The following CSNK1D variants were observed in gnomAD, a reference collection of about 807,000 sequenced individuals.
The protein encoded by CSNK1D is casein kinase 1 delta, also known as casein kinase I isoform delta.
CSNK1D carries 16 observed loss-of-function variants against 46.6 expected under a neutral mutation model. The ratio of observed to expected loss-of-function variants is 0.34; its 90% CI spans 0.23 to 0.52. The LOEUF (loss-of-function observed/expected upper bound fraction) is 0.52, where lower values mean the gene tolerates loss of function less well. Among genes scored for constraint, CSNK1D ranks in the 20% least tolerant of loss-of-function variants. The pLI is 0.95. For synonymous variants in CSNK1D, 276 were observed against 228.2 expected, an observed-to-expected ratio of 1.21 and a Z score of -1.89; for missense variants, 398 against 578.4, an observed-to-expected ratio of 0.69 and a Z score of 3.20.
At chr17:82,245,158 G>A in intron 8 of CSNK1D, 1 of 534,130 alleles carries the variant, frequency 1.9e-6, no homozygotes, top group South Asian at 2.0e-5. Flanking sequence ...TTTGAAAATG[G>A]GTACCCCTCT....
chr17:82,273,098 T>A lies in CSNK1D; in HGVS notation c.76+208A>T. ...AGACCCTGCTCCCCCGACCTGGTCC[T>A]GCCCCTCCCCCACGTCCGCTCCCCA... On this transcript the variant is annotated intron_variant, in intron 1 of 8. Transcript: ENST00000314028. The surrounding 1 kb of genome is among the most constrained non-coding windows in gnomAD (Gnocchi z 5.1). The A allele has an allele frequency of 7.7e-6, 2 of 260,382 alleles. No homozygotes were observed. The highest frequency in any genetic ancestry group is 1.5e-5 in the Non-Finnish European group (2 of 136,878). 16.1% of individuals were successfully genotyped at this position (260,382 alleles called of 1,614,324 possible).
At chr17:82,265,574 C>T in intron 2 of CSNK1D, 112 bp downstream of exon 2, 2 of 841,896 alleles carry the variant, frequency 2.4e-6, no homozygotes. Context: ...GAACACTTCC[C>T]TCCCTTTTGC....
At position 82,265,849 on chromosome 17, in the gene CSNK1D, C is replaced by T; in HGVS notation, c.77-53G>A. On this transcript the variant is annotated intron_variant, in intron 1 of 8. Coordinates refer to ENST00000314028, the MANE Select transcript of CSNK1D (RefSeq NM_001893.6). ...GAATTACCTGGTATCCACCAAATAA[C>T]CCAACATGCTGGAGAAACAACAAGC... The T allele has an allele frequency of 9.4e-6, 13 of 1,387,996 alleles. 1 individual carries two copies. The South Asian group carries it at 1.5e-4, about 16-fold the overall frequency. The allele number at this position is 1,387,996 out of a possible 1,614,324, so 86.0% of individuals were successfully genotyped here.
chr17:82,257,419 CAA>C (rs1022764738), intron 2 of CSNK1D, among the ~76,000 whole-genome samples: 10 of 152,038 alleles, frequency 6.6e-5, no homozygotes, highest in African/African-American at 2.2e-4. Flanking sequence ...CCCTCAGCGT[CAA>C]AAAGAGATGC....
intron 2 of CSNK1D, among the ~76,000 whole-genome samples, chr17:82,263,567 T>C (rs1273340343): frequency 6.6e-6 from 1 of 152,134 alleles, no homozygotes; most frequent in Non-Finnish European, 1.5e-5. Flanking sequence ...TAGTGCCGAG[T>C]GGAGAAGTCC....
chr17:82,268,994 G>A (rs910008830), intron 1 of CSNK1D, among the ~76,000 whole-genome samples: 1 of 151,708 alleles, frequency 6.6e-6, no homozygotes, highest in Admixed American at 6.6e-5. Context: ...CTACTCAGGA[G>A]GTTGATGCGG....
upstream of CSNK1D, chr17:82,273,723 C>T (rs1365278382): frequency 6.3e-6 from 3 of 473,094 alleles, no homozygotes; most frequent in Admixed American, 8.6e-5. The surrounding 1 kb of genome is among the most constrained non-coding windows in gnomAD (Gnocchi z 5.1). Context: ...CCTAGCAACC[C>T]GGCGGGGCGG....
At chr17:82,241,617 G>A (rs893556310), downstream of CSNK1D, among the ~76,000 whole-genome samples, 12 of 152,332 alleles carry the variant, frequency 7.9e-5, no homozygotes, top group East Asian at 5.8e-4. Flanking sequence ...GGTTGGGGCC[G>A]GTGAGCGGGG....
chr17:82,271,286 G>T (rs2051616721), intron 1 of CSNK1D, among the ~76,000 whole-genome samples: 1 of 152,110 alleles, frequency 6.6e-6, no homozygotes, highest in African/African-American at 2.4e-5. Context: ...ACTTTGGCCA[G>T]GCTGGTCTCC....
Position 82,251,120 on chromosome 17 carries a change from G to A in CSNK1D, c.885+259C>T, listed in dbSNP as rs532186583. On this transcript the variant is annotated intron_variant, in intron 6 of 8. Coordinates refer to ENST00000314028, the MANE Select transcript of CSNK1D (RefSeq NM_001893.6). The surrounding 1 kb of genome is among the most constrained non-coding windows in gnomAD (Gnocchi z 4.5). ...CCCTAGCTCCGCTTGGTGACAGGGA[G>A]GGAAGGGGCCTCCTGCTGTCCACAC... The A allele has an allele frequency of 1.1e-4, 54 of 487,802 alleles. No individual in the cohort carries two copies. In the East Asian group the frequency reaches 1.9e-3, roughly 17 times the overall value. 30.2% of individuals were successfully genotyped at this position (487,802 alleles called of 1,614,324 possible).
At chr17:82,266,028 G>A (rs559454575) in intron 1 of CSNK1D, among the ~76,000 whole-genome samples, 1 of 152,266 alleles carries the variant, frequency 6.6e-6, no homozygotes, top group South Asian at 2.1e-4. Context: ...AGTTTATGTG[G>A]CTTCCATCAC....
At chr17:82,247,628 C>T (rs2147156920) in intron 8 of CSNK1D, 1 of 985,470 alleles carries the variant, frequency 1.0e-6, no homozygotes, top group Admixed American at 6.1e-5. Flanking sequence ...CCGGGAACTG[C>T]TCACAGGAAC....
In CSNK1D at chr17:82,249,494, C is replaced by T. The variant is rs1015587498; in HGVS notation, c.994G>A (p.Gly332Ser). 22 of 1,543,448 alleles carry T rather than the reference C, an allele frequency of 1.4e-5. No homozygotes were observed. The East Asian group carries it at 1.7e-4, about 12-fold the overall frequency. ...ATRGLPSTAS[G>S]RLRGTQEVAP... is the part of the protein sequence containing the mutation. ...ACTTCCTGCGTCCCCCGCAGGCGGCCGGAGGCTGTGGAAGGGAGGCCGCGG... is the reference window on the plus strand; with the variant it reads ...ACTTCCTGCGTCCCCCGCAGGCGGCTGGAGGCTGTGGAAGGGAGGCCGCGG... Residue 332 changes from glycine to serine, a missense_variant, in exon 7 of 9, where the codon GGC becomes AGC. Gly to Ser is a moderately conservative substitution (Grantham distance 56). Transcript: ENST00000314028. This position sits in a 1 kb window ranked among gnomAD's most constrained non-coding sequence, Gnocchi z 6.7.
intron 2 of CSNK1D, 50 bp downstream of exon 2, chr17:82,265,636 C>T: frequency 7.1e-7 from 1 of 1,413,904 alleles, no homozygotes; most frequent in Admixed American, 1.7e-5. Context: ...TTGCTGTTCT[C>T]CCTTGTCAAA....
intron 3 of CSNK1D, chr17:82,254,725 A>C (rs1286382409): frequency 8.3e-5 from 11 of 131,814 alleles, no homozygotes; most frequent in East Asian, 2.8e-4. Context: ...AGCCTCGAGA[A>C]GCCAGTGAGC....
In CSNK1D at chr17:82,249,871, A is replaced by C. The variant is rs2050955839; in HGVS notation, c.886-269T>G. On this transcript the variant is annotated intron_variant, in intron 6 of 8. Coordinates refer to ENST00000314028, the MANE Select transcript of CSNK1D (RefSeq NM_001893.6). This position sits in a 1 kb window ranked among gnomAD's most constrained non-coding sequence, Gnocchi z 6.7. ...TCCCTGTGGGCTCAGAACTTCCTTA[A>C]ACTTCCAAATGGGCAGCAGCTACCC... is the stretch of plus-strand genomic sequence containing the variant. 7.1e-7 allele frequency: 1 copy of C among 1,405,664 alleles called. No homozygotes were observed. Among genetic ancestry groups the C allele is most frequent in the African/African-American group, 1.4e-5 (1 of 69,056 alleles). 87.1% of individuals were successfully genotyped at this position (1,405,664 alleles called of 1,614,324 possible).
intron 8 of CSNK1D, 124 bp from the exon 9 acceptor site, chr17:82,244,955 G>T: frequency 3.9e-6 from 5 of 1,273,042 alleles, no homozygotes; most frequent in South Asian, 3.7e-5. Context: ...CAGTCTAGAC[G>T]CCTGCGTCCC....
rs780934654 is a variant in CSNK1D, at chr17:82,250,186, A to G, written c.886-584T>C. On this transcript the variant is annotated intron_variant, in intron 6 of 8. Transcript: ENST00000314028. The surrounding 1 kb of genome is among the most constrained non-coding windows in gnomAD (Gnocchi z 4.6). ...TTTAAGCCGAGACAGCAACCTATGA[A>G]AAAGCAGATTCTAACTGCCAATGCT... 13 of 1,289,758 alleles carry G rather than the reference A, an allele frequency of 1.0e-5. No individual in the cohort carries two copies. Among genetic ancestry groups the G allele is most frequent in the Admixed American group, 6.9e-5 (3 of 43,546 alleles). 79.9% of individuals were successfully genotyped at this position (1,289,758 alleles called of 1,614,324 possible).
rs377110210 is a variant in CSNK1D at position 82,248,772 on chromosome 17, G to A, written c.1197+103C>T. 4 of 1,531,020 alleles carry A rather than the reference G, an allele frequency of 2.6e-6. No homozygotes were observed. The allele number at this position is 1,531,020 out of a possible 1,614,324, so 94.8% of individuals were successfully genotyped here. A position where few individuals can be genotyped will look rare whatever the true frequency, so the allele number is the denominator to read the frequency against. ...GCGAGATTAAAAACTCTCAAAAATG[G>A]GGGGAAGAAAGGAAAGAAGAAGCCC... On this transcript the variant is annotated intron_variant, in intron 8 of 8. Transcript: ENST00000314028. The surrounding 1 kb of genome is among the most constrained non-coding windows in gnomAD (Gnocchi z 4.1).
Sources: allele counts gnomAD v4.1 joint callset (sites outside exome capture counted in the v4.1 genomes callset), GRCh38; gene constraint gnomAD v4.1.1; non-coding constraint Gnocchi (gnomAD v3.1); transcripts MANE v1.5; gene names NCBI Gene and HGNC (gene_info 2026-07-23, HGNC 2026-07-21).